ARL15: variants seen among roughly 807,000 people sequenced by gnomAD.
ARL15 encodes the protein ADP-ribosylation factor-like protein 15.
ARL15 carries 19 observed loss-of-function variants against 25.2 expected under a neutral mutation model. That is an observed-to-expected ratio of 0.75 (90% CI 0.53 to 1.10). ARL15 has a LOEUF of 1.10. ARL15 is among the 50% of genes least tolerant of loss of function. ARL15 has a pLI of 0.00. For synonymous variants in ARL15, 94 were observed against 86.8 expected (o/e 1.08, Z -0.46); for missense variants, 220 against 246.0 (o/e 0.89, Z 0.71).
chr5:53,886,563 A>G lies in ARL15; in HGVS notation c.613T>C (p.Ter205ArgextTer17). ...GAGCCTGTTTTCTTTGCCAGATTTC[A>G]CATTCTTACAGCTTCATGGTCTTTT... ...EEKDHEAVRM* is the reference protein window; with the variant it reads ...EEKDHEAVRMR Residue 205 changes from the stop codon to arginine, a stop_lost, in exon 5 of 5, where the codon TGA (stop) becomes CGA (arginine). Coordinates refer to ENST00000504924, the MANE Select transcript of ARL15 (RefSeq NM_019087.3). 1 of 1,555,224 alleles carries G rather than the reference A, an allele frequency of 6.4e-7. No homozygotes were observed. Among genetic ancestry groups the G allele is most frequent in the African/African-American group, 1.4e-5 (1 of 73,188 alleles).
intron 4 of ARL15, among the ~76,000 whole-genome samples, chr5:54,065,311 C>T (rs926619046): frequency 6.6e-6 from 1 of 152,116 alleles, no homozygotes; most frequent in African/African-American, 2.4e-5. Flanking sequence ...GCTATGCTAG[C>T]AAATATAATA....
At chr5:54,120,883 T>C (rs1753052723) in intron 3 of ARL15, among the ~76,000 whole-genome samples, 1 of 152,194 alleles carries the variant, frequency 6.6e-6, no homozygotes, top group Non-Finnish European at 1.5e-5. Context: ...CTTTTAATAA[T>C]GCGGAAATGC....
At chr5:54,247,846 G>GA (rs1198241309) in intron 1 of ARL15, among the ~76,000 whole-genome samples, 1 of 151,788 alleles carries the variant, frequency 6.6e-6, no homozygotes, top group Admixed American at 6.6e-5. Flanking sequence ...TCAAATCACA[G>GA]AAAAAAATAA....
chr5:54,173,686 C>G (rs1754784139), intron 1 of ARL15, among the ~76,000 whole-genome samples: 1 of 152,086 alleles, frequency 6.6e-6, no homozygotes, highest in Non-Finnish European at 1.5e-5. Context: ...TCTTGTGCCC[C>G]CTATTCTCCA....
At chr5:54,176,908 G>A (rs1579876494) in intron 1 of ARL15, among the ~76,000 whole-genome samples, 1 of 152,100 alleles carries the variant, frequency 6.6e-6, no homozygotes, top group Admixed American at 6.5e-5. Context: ...CCAATATACA[G>A]CCCAGACTGT....
chr5:54,158,235 T>C (rs1360187209), intron 2 of ARL15, among the ~76,000 whole-genome samples: 1 of 152,188 alleles, frequency 6.6e-6, no homozygotes, highest in Non-Finnish European at 1.5e-5. Context: ...GTTCAAACTC[T>C]TCCTATTCCA....
At chr5:54,110,712 A>G (rs1752715148) in intron 4 of ARL15, among the ~76,000 whole-genome samples, 1 of 152,052 alleles carries the variant, frequency 6.6e-6, no homozygotes, top group Non-Finnish European at 1.5e-5. Flanking sequence ...TAAAAAGACG[A>G]CCGTTATCTA....
chr5:53,947,821 T>A (rs939891770), intron 4 of ARL15, among the ~76,000 whole-genome samples: 9 of 151,858 alleles, frequency 5.9e-5, no homozygotes, highest in Non-Finnish European at 1.0e-4. Flanking sequence ...GAGAAAAGAC[T>A]ATGACAACTA....
intron 3 of ARL15, among the ~76,000 whole-genome samples, chr5:54,145,250 G>A (rs891446228): frequency 4.6e-5 from 7 of 151,980 alleles, no homozygotes; most frequent in East Asian, 1.9e-4. Flanking sequence ...TAAATTCTTC[G>A]CATTATTGCT....
intron 4 of ARL15, among the ~76,000 whole-genome samples, chr5:53,985,309 A>T (rs1748257442): frequency 6.6e-6 from 1 of 152,204 alleles, no homozygotes; most frequent in Non-Finnish European, 1.5e-5. Context: ...GGTAAAATAC[A>T]CAACATAAAA....
intron 1 of ARL15, among the ~76,000 whole-genome samples, chr5:54,254,361 C>G (rs1757315106): frequency 1.3e-5 from 2 of 152,172 alleles, no homozygotes; most frequent in African/African-American, 4.8e-5. Flanking sequence ...CAAAATTATA[C>G]ATTAGCTATT....
chr5:54,038,942 G>A (rs888049238), intron 4 of ARL15, among the ~76,000 whole-genome samples: 13 of 152,076 alleles, frequency 8.5e-5, no homozygotes, highest in African/African-American at 3.1e-4. Context: ...TGTCAGACAC[G>A]CCAAGCTCTT....
At chr5:53,929,170 CAAAAAAA>C (rs3990747) in intron 4 of ARL15, among the ~76,000 whole-genome samples, 3 of 142,244 alleles carry the variant, frequency 2.1e-5, no homozygotes, top group Admixed American at 7.0e-5. Context: ...AAATAAGTTC[CAAAAAAA>C]AAAAAAAAAT....
intron 1 of ARL15, among the ~76,000 whole-genome samples, chr5:54,274,840 G>A (rs1284944502): frequency 1.3e-5 from 2 of 152,078 alleles, no homozygotes; most frequent in African/African-American, 4.8e-5. Context: ...GTTGCAGTGA[G>A]CCCAGATTGC....
At chr5:54,037,815 T>C (rs938048688) in intron 4 of ARL15, among the ~76,000 whole-genome samples, 2 of 151,232 alleles carry the variant, frequency 1.3e-5, no homozygotes, top group African/African-American at 4.8e-5. Flanking sequence ...CAAGGGGACA[T>C]CATAGTATGC....
intron 4 of ARL15, among the ~76,000 whole-genome samples, chr5:53,985,396 CCAT>C (rs756643389): frequency 6.6e-6 from 1 of 150,784 alleles, no homozygotes; most frequent in Non-Finnish European, 1.5e-5. Context: ...ACCATCACCA[CCAT>C]CCATCGCCAT....
At chr5:54,238,044 G>A (rs1756857603) in intron 1 of ARL15, among the ~76,000 whole-genome samples, 1 of 152,130 alleles carries the variant, frequency 6.6e-6, no homozygotes, top group South Asian at 2.1e-4. Context: ...ATATTTTTAG[G>A]GGCAGGGAAG....
At chr5:54,162,658 C>A (rs1442997242) in intron 2 of ARL15, among the ~76,000 whole-genome samples, 1 of 152,114 alleles carries the variant, frequency 6.6e-6, no homozygotes, top group African/African-American at 2.4e-5. Flanking sequence ...CAGTTGTCCA[C>A]CACACCCTAT....
intron 4 of ARL15, among the ~76,000 whole-genome samples, chr5:54,092,120 G>A (rs933498225): frequency 4.0e-5 from 6 of 151,228 alleles, no homozygotes; most frequent in Non-Finnish European, 7.4e-5. Context: ...ATACACGTTC[G>A]TTCCGGAATG....
Sources: allele counts gnomAD v4.1 joint callset (sites outside exome capture counted in the v4.1 genomes callset), GRCh38; gene constraint gnomAD v4.1.1; transcripts MANE v1.5; gene names NCBI Gene and HGNC (gene_info 2026-07-23, HGNC 2026-07-21).